Variants in PRUNE2 observed in about 807,000 individuals in gnomAD.
The protein encoded by PRUNE2 is prune homolog 2 with BCH domain, also known as protein prune homolog 2.
A neutral mutation model predicts 252.0 loss-of-function variants in PRUNE2; 164 were observed. The observed-to-expected ratio is 0.65, with a 90% CI of 0.57 to 0.74. The LOEUF (loss-of-function observed/expected upper bound fraction) is 0.74. Among genes scored for constraint, PRUNE2 ranks in the 30% least tolerant of loss-of-function variants. The probability of loss-of-function intolerance (pLI) is 0.00; values close to 1 mark genes in which losing one functional copy is unlikely to be tolerated. For synonymous variants in PRUNE2, 1,292 were observed against 1,350.2 expected, an observed-to-expected ratio of 0.96 and a Z score of 0.94; for missense variants, 3,495 against 3,711.0, an observed-to-expected ratio of 0.94 and a Z score of 1.51.
Position 76,706,372 on chromosome 9 carries a change from C to T in PRUNE2, c.5902G>A (p.Asp1968Asn). Residue 1968 changes from aspartate to asparagine, a missense_variant, in exon 8 of 19, where the codon GAT (aspartate) becomes AAT (asparagine). Asp to Asn is a conservative substitution (Grantham distance 23). Coordinates refer to ENST00000376718, the MANE Select transcript of PRUNE2 (RefSeq NM_015225.3). ...TGAGTAAAGGCTGTGTCCGGATGATCACAGACTGGCAGCATGGTGTCCTGA... is the reference window on the plus strand; with the variant it reads ...TGAGTAAAGGCTGTGTCCGGATGATTACAGACTGGCAGCATGGTGTCCTGA... The part of the protein sequence containing the change: ...QCQDTMLPVC[D>N]HPDTAFTHAE... 6.2e-7 allele frequency: 1 copy of T among 1,614,024 alleles called. No individual in the cohort carries two copies. The highest frequency in any genetic ancestry group is 1.3e-5 in the African/African-American group (1 of 75,062).
Position 76,704,845 on chromosome 9 carries a change from T to G in PRUNE2, c.7429A>C (p.Ile2477Leu). Residue 2477 changes from isoleucine to leucine, a missense_variant, in exon 8 of 19, where the codon ATT becomes CTT. Physicochemically the swap from Ile to Leu is conservative, Grantham distance 5. Coordinates refer to ENST00000376718, the MANE Select transcript of PRUNE2 (RefSeq NM_015225.3). ...VYLPVGAGSN[I>L]LSPSNVDWEV... ...CAGTCAACGTTTGATGGAGACAAAA[T>G]GTTGGAGCCTGCTCCTACCGGCAAA... 1 of 1,597,202 alleles carries G rather than the reference T, an allele frequency of 6.3e-7. No individual in the cohort carries two copies. Among genetic ancestry groups the G allele is most frequent in the Non-Finnish European group, 8.5e-7 (1 of 1,170,684 alleles).
chr9:76,725,693 T>C (rs1465546902), intron 6 of PRUNE2, among the ~76,000 whole-genome samples: 4 of 152,232 alleles, frequency 2.6e-5, no homozygotes, highest in Non-Finnish European at 1.5e-5. Flanking sequence ...AACACCAATC[T>C]TGGAGCACAC....
At chr9:76,791,913 C>G (rs1255722453) in intron 6 of PRUNE2, among the ~76,000 whole-genome samples, 1 of 152,076 alleles carries the variant, frequency 6.6e-6, no homozygotes, top group Non-Finnish European at 1.5e-5. Context: ...CTGGTAGGAC[C>G]TGAGAAAGGG....
chr9:76,797,335 CT>C (rs2056185459), intron 6 of PRUNE2, among the ~76,000 whole-genome samples: 1 of 151,962 alleles, frequency 6.6e-6, no homozygotes, highest in South Asian at 2.1e-4. Context: ...GCAATTACTT[CT>C]GGTTTGAGAT....
rs375563073 is a variant in PRUNE2 at position 76,837,933 on chromosome 9, A to G, written c.508+8582T>C. ...ACTACAGGCGCCTGCCACCACGCCC[A>G]GCTAATTTTTTGTATTTTTAGTAGA... On this transcript the variant is annotated intron_variant, in intron 4 of 18. Coordinates refer to ENST00000376718, the MANE Select transcript of PRUNE2 (RefSeq NM_015225.3). Among the ~76,000 whole-genome samples the G allele has an allele frequency of 2.0e-3, 303 of 151,666 alleles. 1 individual carries two copies. Among genetic ancestry groups the G allele is most frequent in the Admixed American group, 3.1e-3 (48 of 15,250 alleles).
Position 76,614,345 on chromosome 9 carries a change from C to T in PRUNE2, c.*225G>A. ...AAGGTCCTACTTTCTTGCTAAGGCT[C>T]AACTAAAATCTTTGAGGCACATAAT... On this transcript the variant is annotated 3_prime_UTR_variant, in exon 19 of 19. Transcript: ENST00000376718. 1 of 577,290 alleles carries T rather than the reference C, an allele frequency of 1.7e-6. No individual in the cohort carries two copies. Among genetic ancestry groups the T allele is most frequent in the South Asian group, 2.3e-5 (1 of 44,028 alleles). 35.8% of individuals were successfully genotyped at this position (577,290 alleles called of 1,614,324 possible).
At chr9:76,811,442 C>A (rs2057349396) in intron 6 of PRUNE2, among the ~76,000 whole-genome samples, 1 of 152,088 alleles carries the variant, frequency 6.6e-6, no homozygotes, top group Non-Finnish European at 1.5e-5. Flanking sequence ...ATGACTAGAA[C>A]AAAAGTCTAC....
intron 6 of PRUNE2, among the ~76,000 whole-genome samples, chr9:76,745,281 T>G (rs1305921203): frequency 6.6e-6 from 1 of 152,208 alleles, no homozygotes; most frequent in Non-Finnish European, 1.5e-5. Flanking sequence ...GTTGTAAAGC[T>G]AATGAAAGGC....
rs754382841 is a variant in PRUNE2 at position 76,707,426 on chromosome 9, G to A, written c.4848C>T (p.Arg1616=). Residue 1616 remains arginine (R), a synonymous_variant, in exon 8 of 19, where the codon CGC becomes CGT. Coordinates refer to ENST00000376718, the MANE Select transcript of PRUNE2 (RefSeq NM_015225.3). ...AGATCTCTAAAAATGTAGGAGTTTT[G>A]CGATCAAAGCTCTTTTCAAACTCAT... is the stretch of plus-strand genomic sequence containing the variant. ...RINEFEKSFD[R]KTPTFLEIWN... 6.2e-7 allele frequency: 1 copy of A among 1,613,882 alleles called. No individual in the cohort carries two copies. Among genetic ancestry groups the A allele is most frequent in the South Asian group, 1.1e-5 (1 of 91,078 alleles).
intron 9 of PRUNE2, among the ~76,000 whole-genome samples, chr9:76,656,977 G>T (rs754221162): frequency 1.3e-5 from 2 of 152,196 alleles, no homozygotes; most frequent in Non-Finnish European, 2.9e-5. Context: ...GTGCCAAACA[G>T]AGATACACTA....
At chr9:76,749,561 G>A (rs977703413) in intron 6 of PRUNE2, among the ~76,000 whole-genome samples, 14 of 152,260 alleles carry the variant, frequency 9.2e-5, no homozygotes, top group East Asian at 7.7e-4. Flanking sequence ...AAACCCTTGC[G>A]TGTAACCGTT....
intron 16 of PRUNE2, among the ~76,000 whole-genome samples, chr9:76,625,558 C>T (rs1834324770): frequency 6.6e-6 from 1 of 152,176 alleles, no homozygotes; most frequent in Non-Finnish European, 1.5e-5. Context: ...CATTAGAAAA[C>T]AATCAATGTT....
chr9:76,836,800 C>T (rs1364363662), intron 4 of PRUNE2, among the ~76,000 whole-genome samples: 1 of 152,272 alleles, frequency 6.6e-6, no homozygotes, highest in African/African-American at 2.4e-5. Flanking sequence ...GACATTTATC[C>T]ATGACTGTCC....
intron 9 of PRUNE2, among the ~76,000 whole-genome samples, chr9:76,701,421 A>G (rs1179720372): frequency 1.3e-5 from 2 of 152,262 alleles, no homozygotes; most frequent in Non-Finnish European, 2.9e-5. Flanking sequence ...TTGTTGAAAG[A>G]AAAGGTGCTG....
At chr9:76,637,199 T>C (rs2132617634) in intron 14 of PRUNE2, among the ~76,000 whole-genome samples, 1 of 152,260 alleles carries the variant, frequency 6.6e-6, no homozygotes, top group East Asian at 1.9e-4. Flanking sequence ...ATAACCAACA[T>C]GGTGTATTTT....
At chr9:76,689,715 C>G (rs1008556225) in intron 9 of PRUNE2, among the ~76,000 whole-genome samples, 1 of 152,100 alleles carries the variant, frequency 6.6e-6, no homozygotes, top group Non-Finnish European at 1.5e-5. Context: ...GAGCTAAGAC[C>G]CCTGAGTTCT....
At chr9:76,867,373 G>A (rs1210515581) in intron 1 of PRUNE2, among the ~76,000 whole-genome samples, 1 of 151,996 alleles carries the variant, frequency 6.6e-6, no homozygotes, top group Admixed American at 6.6e-5. Context: ...CACACACCAC[G>A]CTGACATGAT....
chr9:76,905,584 G>A (rs143165384), intron 1 of PRUNE2, among the ~76,000 whole-genome samples: 111 of 152,246 alleles, frequency 7.3e-4, no homozygotes, highest in Non-Finnish European at 1.4e-3. Context: ...TCTGCAGAAG[G>A]CTGGGCTCTT....
intron 6 of PRUNE2, chr9:76,786,347 C>T (rs1371896238): frequency 6.6e-6 from 1 of 152,296 alleles, no homozygotes; most frequent in South Asian, 2.1e-4. Flanking sequence ...TAAGCTCACA[C>T]TGGTCAAAAG....
Sources: gnomAD v4.1 joint callset for allele counts (sites outside exome capture counted in the v4.1 genomes callset) on GRCh38, gnomAD v4.1.1 for gene constraint, MANE v1.5 for transcripts, NCBI Gene and HGNC (gene_info 2026-07-23, HGNC 2026-07-21) for gene names.